C9: variants seen among roughly 807,000 people sequenced by gnomAD.
The protein encoded by C9 is complement C9, also known as complement component C9.
In C9, 63 loss-of-function variants were observed where a neutral mutation model predicts 65.4. The ratio of observed to expected loss-of-function variants is 0.96; its 90% CI spans 0.79 to 1.19. The LOEUF (loss-of-function observed/expected upper bound fraction) is 1.19, where lower values mean the gene tolerates loss of function less well. Among genes scored for constraint, C9 ranks in the 50% most tolerant of loss-of-function variants. The pLI is 0.00. For synonymous variants in C9, 229 were observed against 227.9 expected (o/e 1.00, Z -0.04); for missense variants, 744 against 670.1 (o/e 1.11, Z -1.22).
At chr5:39,340,457 A>G (rs554980601) in intron 4 of C9, among the ~76,000 whole-genome samples, 2 of 152,310 alleles carry the variant, frequency 1.3e-5, no homozygotes, top group South Asian at 2.1e-4. Flanking sequence ...CCCTCTGACT[A>G]TGTATGGAAC....
chr5:39,300,295 C>T (rs535487259), intron 9 of C9, among the ~76,000 whole-genome samples: 1 of 152,204 alleles, frequency 6.6e-6, no homozygotes, highest in African/African-American at 2.4e-5. Context: ...ACCTGTAATT[C>T]CAGCTACTTG....
intron 5 of C9, among the ~76,000 whole-genome samples, chr5:39,316,625 G>A (rs1753573646): frequency 6.6e-6 from 1 of 152,138 alleles, no homozygotes; most frequent in Non-Finnish European, 1.5e-5. Flanking sequence ...ATGTTAATGT[G>A]CTGATGATAA....
At chr5:39,301,650 T>A (rs1753286136) in intron 9 of C9, among the ~76,000 whole-genome samples, 1 of 152,126 alleles carries the variant, frequency 6.6e-6, no homozygotes, top group Non-Finnish European at 1.5e-5. Context: ...ATTTGTGTAA[T>A]TTTGCTGTGT....
intron 7 of C9, among the ~76,000 whole-genome samples, chr5:39,310,075 C>T (rs1423228505): frequency 6.6e-6 from 1 of 152,114 alleles, no homozygotes; most frequent in Non-Finnish European, 1.5e-5. Flanking sequence ...TTACATTCCA[C>T]TCCCCCCCGG....
At position 39,288,931 on chromosome 5, in the gene C9, C is replaced by T. The variant is rs756670408; in HGVS notation, c.1437G>A (p.Leu479=). ...ISQKLSPIYN[L]VPVKMKNAHL... ...GTGCATTTTTCATTTTCACTGGAAC[C>T]AGATTATATATAGGAGACAGCTGAA... The change falls in exon 10 of 11, where the codon CTG becomes CTA. Residue 479 remains leucine, a synonymous_variant. Coordinates refer to ENST00000263408, the MANE Select transcript of C9 (RefSeq NM_001737.5). 1 of 1,602,630 alleles carries T rather than the reference C, an allele frequency of 6.2e-7. No individual in the cohort carries two copies. Among genetic ancestry groups the T allele is most frequent in the Non-Finnish European group, 8.5e-7 (1 of 1,170,248 alleles).
At chr5:39,362,108 T>C (rs1459614342) in intron 1 of C9, among the ~76,000 whole-genome samples, 10 of 152,216 alleles carry the variant, frequency 6.6e-5, no homozygotes. Flanking sequence ...GATGCTATCA[T>C]TACCATTGTG....
Position 39,285,116 on chromosome 5 carries a change from G to A in C9, c.*83C>T. The A allele has an allele frequency of 9.2e-7, 1 of 1,085,624 alleles. No individual in the cohort carries two copies. Among genetic ancestry groups the A allele is most frequent in the East Asian group, 2.4e-5 (1 of 42,444 alleles). 67.2% of individuals were successfully genotyped at this position (1,085,624 alleles called of 1,614,324 possible). ...TCATGAAGCATGTTGCTATTTACTT[G>A]GCAGCTAAGATTATCTTCAGGGGTA... On this transcript the variant is annotated 3_prime_UTR_variant, in exon 11 of 11. Transcript: ENST00000263408.
chr5:39,331,611 TA>T, intron 5 of C9, 64 bp downstream of exon 5: 1 of 1,382,500 alleles, frequency 7.2e-7, no homozygotes, highest in Non-Finnish European at 1.0e-6. Context: ...TGTTTGGTAC[TA>T]AACTTATTTA....
Position 39,315,888 on chromosome 5 carries a change from GT to G in C9, c.756del (p.Glu252AspfsTer46). The part of the protein sequence containing the change: ...KFTPTETNKA[E>X]QCCEETASSI... ...GAGGAGGCTGTTTCCTCACAACATT[GT>G]TCAGCTTTATTTGTTTCAGTGGGTG... is the stretch of plus-strand genomic sequence containing the variant. On this transcript the variant is annotated frameshift_variant, in exon 6 of 11. Transcript: ENST00000263408. LOFTEE classifies it high-confidence loss of function. 6.2e-7 allele frequency: 1 copy of G among 1,613,290 alleles called. No individual in the cohort carries two copies.
Position 39,336,509 on chromosome 5 carries a change from G to C in C9, c.476+4637C>G, listed in dbSNP as rs560432281. Among the ~76,000 whole-genome samples the C allele has an allele frequency of 7.8e-4, 118 of 152,062 alleles. 1 individual carries two copies. Among genetic ancestry groups the C allele is most frequent in the African/African-American group, 2.6e-3 (108 of 41,506 alleles). ...TTCTTTATTAATAGTGCCATATATA[G>C]GTATCTTAAATTTTTAAAAATCATT... On this transcript the variant is annotated intron_variant, in intron 4 of 10. Transcript: ENST00000263408.
intron 9 of C9, among the ~76,000 whole-genome samples, chr5:39,302,336 T>C (rs1420495211): frequency 6.6e-6 from 1 of 152,130 alleles, no homozygotes; most frequent in Non-Finnish European, 1.5e-5. Flanking sequence ...TGGTAGGATA[T>C]AATCTACCAT....
chr5:39,344,085 G>T (rs1252472951), intron 1 of C9, among the ~76,000 whole-genome samples: 1 of 152,296 alleles, frequency 6.6e-6, no homozygotes, highest in East Asian at 1.9e-4. Context: ...AAACAGAGCA[G>T]AAAAGCTGAA....
intron 8 of C9, 130 bp downstream of exon 8, chr5:39,308,100 C>T (rs781502637): frequency 4.4e-5 from 38 of 870,834 alleles, no homozygotes; most frequent in South Asian, 2.1e-4. Context: ...GTTTGAAAAC[C>T]GCTTTAAATG....
chr5:39,360,666 T>C (rs1338754899), intron 1 of C9, among the ~76,000 whole-genome samples: 1 of 152,060 alleles, frequency 6.6e-6, no homozygotes, highest in African/African-American at 2.4e-5. Flanking sequence ...GAAAAACATA[T>C]ATATGGCCTT....
At chr5:39,288,466 G>A (rs1017623467) in intron 10 of C9, among the ~76,000 whole-genome samples, 1 of 151,326 alleles carries the variant, frequency 6.6e-6, no homozygotes, top group African/African-American at 2.4e-5. Flanking sequence ...CCTTCTATAA[G>A]AATATTTTTA....
chr5:39,311,254 T>G lies in C9; in HGVS notation c.994A>C (p.Lys332Gln). 6.2e-7 allele frequency: 1 copy of G among 1,613,850 alleles called. No individual in the cohort carries two copies. Among genetic ancestry groups the G allele is most frequent in the Non-Finnish European group, 8.5e-7 (1 of 1,179,804 alleles). ...DIKALPTTYE[K>Q]GEYFAFLETY... ...TCCAAAAAGGCAAAATATTCTCCCTTTTCATAGGTAGTTGGCAAAGCTTTT... is the reference window on the plus strand; with the variant it reads ...TCCAAAAAGGCAAAATATTCTCCCTGTTCATAGGTAGTTGGCAAAGCTTTT... The change falls in exon 7 of 11, where the codon AAG (lysine) becomes CAG (glutamine). Residue 332 changes from lysine (K) to glutamine (Q), a missense_variant. Coordinates refer to ENST00000263408, the MANE Select transcript of C9 (RefSeq NM_001737.5).
intron 10 of C9, among the ~76,000 whole-genome samples, chr5:39,287,255 T>C (rs1316467884): frequency 6.6e-6 from 1 of 152,024 alleles, no homozygotes; most frequent in Admixed American, 6.6e-5. Flanking sequence ...AGTTATAAAT[T>C]ATTTGTCTAG....
At chr5:39,362,917 C>T (rs1374675878) in intron 1 of C9, among the ~76,000 whole-genome samples, 2 of 151,994 alleles carry the variant, frequency 1.3e-5, no homozygotes, top group African/African-American at 2.4e-5. Flanking sequence ...CAAACTCAGC[C>T]GTGCAGCTGC....
intron 8 of C9, 44 bp downstream of exon 8, chr5:39,308,186 T>C (rs1245146046): frequency 6.3e-7 from 1 of 1,579,160 alleles, no homozygotes; most frequent in Non-Finnish European, 8.7e-7. Context: ...CATTGACATC[T>C]ACCCTCAGGC....
Sources: allele counts gnomAD v4.1 joint callset (sites outside exome capture counted in the v4.1 genomes callset), GRCh38; gene constraint gnomAD v4.1.1; transcripts MANE v1.5; gene names NCBI Gene and HGNC (gene_info 2026-07-23, HGNC 2026-07-21).